Variants in PDE3A observed in about 807,000 individuals in gnomAD.
PDE3A encodes phosphodiesterase 3A.
In PDE3A, 43 loss-of-function variants were observed where a neutral mutation model predicts 98.3. That is an observed-to-expected ratio of 0.44 (90% CI 0.34 to 0.56). The LOEUF is 0.56. Among genes scored for constraint, PDE3A ranks in the 20% least tolerant of loss-of-function variants. The pLI is 0.01. For missense variants in PDE3A, 1,427 were observed against 1,440.7 expected (o/e 0.99, Z 0.15); for synonymous variants, 663 against 567.9 (o/e 1.17, Z -2.38).
At chr12:20,458,676 G>A (rs1473302510) in intron 1 of PDE3A, among the ~76,000 whole-genome samples, 2 of 152,114 alleles carry the variant, frequency 1.3e-5, no homozygotes, top group Admixed American at 1.3e-4. Context: ...GCCCCCCAGA[G>A]AAAGCCCCTC....
rs1945818363 is a variant in PDE3A at position 20,682,512 on chromosome 12, A to G, written c.*2241A>G. 1 of 152,240 alleles carries G rather than the reference A, an allele frequency of 6.6e-6. No homozygotes were observed. Among genetic ancestry groups the G allele is most frequent in the African/African-American group, 2.4e-5 (1 of 41,470 alleles). 9.4% of individuals were successfully genotyped at this position (152,240 alleles called of 1,614,324 possible). A position where few individuals can be genotyped will look rare whatever the true frequency, so the allele number is the denominator to read the frequency against. ...GGCAAATTCTCCAATAAGTTGGAAA[A>G]TGTAAAAAGGATCAAGTGGATGCAG... On this transcript the variant is annotated 3_prime_UTR_variant, in exon 16 of 16. Coordinates refer to ENST00000359062, the MANE Select transcript of PDE3A (RefSeq NM_000921.5).
At chr12:20,452,460 G>T (rs1945081783) in intron 1 of PDE3A, among the ~76,000 whole-genome samples, 1 of 152,120 alleles carries the variant, frequency 6.6e-6, no homozygotes, top group Admixed American at 6.5e-5. Flanking sequence ...CCTTTGCAAT[G>T]TGTCTCCAAA....
chr12:20,496,992 T>A (rs1945931894), intron 1 of PDE3A, among the ~76,000 whole-genome samples: 1 of 152,204 alleles, frequency 6.6e-6, no homozygotes, highest in African/African-American at 2.4e-5. Context: ...TTCCACTTGC[T>A]GTAGTATCTC....
rs1263514858 is a variant in PDE3A, at chr12:20,369,345, C to G, written c.61C>G (p.Gln21Glu). The G allele has an allele frequency of 7.1e-6, 11 of 1,548,446 alleles. No individual in the cohort carries two copies. The highest frequency in any genetic ancestry group is 5.5e-5 in the African/African-American group (4 of 73,010). ...RDKPVHSGVS[Q>E]APTAGRDCHH... ...CAAGCCCGTCCACAGTGGGGTGAGT[C>G]AAGCCCCCACGGCGGGCCGGGACTG... is the stretch of plus-strand genomic sequence containing the variant. Residue 21 changes from glutamine (Q) to glutamate (E), a missense_variant, in exon 1 of 16, where the codon CAA becomes GAA. Around this residue, in one of 3 missense-constraint regions of PDE3A, gnomAD observed 1,012 missense variants for 886.5 expected, o/e 1.14. Coordinates refer to ENST00000359062, the MANE Select transcript of PDE3A (RefSeq NM_000921.5).
chr12:20,516,173 T>A (rs924373787), intron 1 of PDE3A, among the ~76,000 whole-genome samples: 6 of 152,034 alleles, frequency 3.9e-5, no homozygotes, highest in African/African-American at 1.4e-4. Flanking sequence ...ACAAGCATAC[T>A]TTTTTTTCAT....
intron 1 of PDE3A, among the ~76,000 whole-genome samples, chr12:20,399,973 A>G (rs1217847580): frequency 6.6e-6 from 1 of 152,220 alleles, no homozygotes; most frequent in Admixed American, 6.5e-5. Context: ...AGAAGAAAGA[A>G]CAAGTTATTT....
chr12:20,654,287 T>G lies in PDE3A; in HGVS notation c.3184+82T>G. ...GATGAATTTTATGCTTCTTATGAAA[T>G]ACACAATACTTCAAGTCTAAACATC... On this transcript the variant is annotated intron_variant, in intron 15 of 15. Coordinates refer to ENST00000359062, the MANE Select transcript of PDE3A (RefSeq NM_000921.5). 3.1e-6 allele frequency: 4 copies of G among 1,296,082 alleles called. No homozygotes were observed. In the African/African-American group the frequency reaches 4.4e-5, roughly 14 times the overall value. The allele number at this position is 1,296,082 out of a possible 1,614,324, so 80.3% of individuals were successfully genotyped here.
chr12:20,476,793 A>G (rs1431181284), intron 1 of PDE3A, among the ~76,000 whole-genome samples: 2 of 152,236 alleles, frequency 1.3e-5, no homozygotes, highest in African/African-American at 4.8e-5. Flanking sequence ...CAACAAAATT[A>G]TAACCCTTGG....
At chr12:20,635,450 C>T (rs559928415) in intron 8 of PDE3A, among the ~76,000 whole-genome samples, 144 of 152,134 alleles carry the variant, frequency 9.5e-4, no homozygotes, top group African/African-American at 3.1e-3. Flanking sequence ...TGGTGGCACG[C>T]ACCTGTATTC....
chr12:20,398,974 C>T (rs1944070980), intron 1 of PDE3A, among the ~76,000 whole-genome samples: 1 of 152,100 alleles, frequency 6.6e-6, no homozygotes, highest in South Asian at 2.1e-4. Flanking sequence ...CAACAACTTC[C>T]CATTCCCTCT....
At chr12:20,622,566 C>T (rs976850583) in intron 5 of PDE3A, among the ~76,000 whole-genome samples, 9 of 152,126 alleles carry the variant, frequency 5.9e-5, no homozygotes, top group Non-Finnish European at 1.2e-4. Flanking sequence ...ACTTAGAAGT[C>T]ATTATTGACC....
At chr12:20,525,110 A>G (rs908544517) in intron 1 of PDE3A, among the ~76,000 whole-genome samples, 6 of 152,178 alleles carry the variant, frequency 3.9e-5, no homozygotes, top group African/African-American at 1.4e-4. Context: ...CAGCCTGGGC[A>G]ACAAGAGTGA....
intron 1 of PDE3A, among the ~76,000 whole-genome samples, chr12:20,498,688 A>G (rs561307154): frequency 2.6e-5 from 4 of 152,028 alleles, no homozygotes; most frequent in African/African-American, 4.8e-5. Flanking sequence ...TTATTTCAAC[A>G]TAAGTTTTTT....
chr12:20,526,611 A>G (rs902498898), intron 1 of PDE3A, among the ~76,000 whole-genome samples: 4 of 152,128 alleles, frequency 2.6e-5, no homozygotes, highest in Admixed American at 6.5e-5. Flanking sequence ...ATAGCAAGGC[A>G]TGTGGTATTT....
Position 20,370,223 on chromosome 12 carries a change from G to A in PDE3A, c.939G>A (p.Leu313=), listed in dbSNP as rs1591850782. The change falls in exon 1 of 16, where the codon CTG becomes CTA. Residue 313 remains leucine (L), a synonymous_variant. Transcript: ENST00000359062. ...GCAAGTCCCATCGGAGGACCTCCCT[G>A]CCCTGTATACCGAGGGAACAGGTAA... ...CSSKSHRRTS[L]PCIPREQLMG... The A allele has an allele frequency of 3.2e-6, 5 of 1,584,276 alleles. No homozygotes were observed. In the Admixed American group the frequency reaches 5.4e-5, roughly 17 times the overall value.
intron 1 of PDE3A, among the ~76,000 whole-genome samples, chr12:20,398,355 C>G (rs555459635): frequency 7.8e-6 from 1 of 127,428 alleles, no homozygotes; most frequent in East Asian, 2.5e-4. Flanking sequence ...TTTTTATTTT[C>G]TCAATTTATA....
At chr12:20,429,206 G>A (rs1565546228) in intron 1 of PDE3A, among the ~76,000 whole-genome samples, 2 of 152,166 alleles carry the variant, frequency 1.3e-5, no homozygotes, top group Non-Finnish European at 2.9e-5. Context: ...TTGCTTTACG[G>A]GGTTTCTAGG....
chr12:20,416,066 T>C (rs1209639197), intron 1 of PDE3A, among the ~76,000 whole-genome samples: 1 of 152,220 alleles, frequency 6.6e-6, no homozygotes, highest in African/African-American at 2.4e-5. Context: ...ATCACTGTTT[T>C]ATTTAGAAAT....
chr12:20,423,626 G>C (rs764761809), intron 1 of PDE3A, among the ~76,000 whole-genome samples: 5 of 152,116 alleles, frequency 3.3e-5, no homozygotes, highest in Non-Finnish European at 7.3e-5. Context: ...ACTCTCATGC[G>C]TAAGATTTTA....
Sources: allele counts gnomAD v4.1 joint callset (sites outside exome capture counted in the v4.1 genomes callset), GRCh38; gene constraint gnomAD v4.1.1; regional missense constraint gnomAD v4.1.1; transcripts MANE v1.5; gene names NCBI Gene and HGNC (gene_info 2026-07-23, HGNC 2026-07-21).